The following PCDH15 variants were observed in gnomAD, a reference collection of about 807,000 sequenced individuals.
The protein encoded by PCDH15 is protocadherin-15.
Under a neutral mutation model 178.5 loss-of-function variants are expected in PCDH15, and 129 were observed. The ratio of observed to expected loss-of-function variants is 0.72; its 90% CI spans 0.63 to 0.84. The LOEUF (loss-of-function observed/expected upper bound fraction) is 0.84. Ranked by LOEUF, PCDH15 falls within the 40% of genes least tolerant of loss-of-function variation. PCDH15 has a pLI of 0.00. For synonymous variants in PCDH15, 800 were observed against 732.0 expected (o/e 1.09, Z -1.50); for missense variants, 2,230 against 2,099.9 (o/e 1.06, Z -1.21).
Position 54,502,744 on chromosome 10 carries a change from ATT to A in PCDH15, c.157+25066_157+25067del, listed in dbSNP as rs1398016996. On this transcript the variant is annotated intron_variant, in intron 3 of 37. Transcript: ENST00000644397. ...GTACAACAATGAGGCTTAATGCTTT[ATT>A]GATAGTTAAGCTGTTGAATTGGGCT... 7.3e-4 allele frequency among the ~76,000 whole-genome samples: 111 copies of A among 152,176 alleles called. 1 individual carries two copies. The highest frequency in any genetic ancestry group is 2.6e-3 in the African/African-American group (108 of 41,560).
At chr10:53,930,457 C>CAAAAAA (rs60673116) in intron 25 of PCDH15, among the ~76,000 whole-genome samples, 24 of 50,358 alleles carry the variant, frequency 4.8e-4, no homozygotes, top group East Asian at 7.2e-4. Flanking sequence ...GACTCCCTCT[C>CAAAAAA]AAAAAAAAAA....
rs972004942 is a variant in PCDH15, at chr10:53,917,603, G to GAC, written c.3374-14235_3374-14234dup. Among the ~76,000 whole-genome samples, 6 of 152,162 alleles carry GAC rather than the reference G, an allele frequency of 3.9e-5. No homozygotes were observed. The South Asian group carries it at 1.2e-3, about 32-fold the overall frequency. On this transcript the variant is annotated intron_variant, in intron 25 of 37. Coordinates refer to ENST00000644397, the MANE Select transcript of PCDH15 (RefSeq NM_001384140.1). Reference sequence around the variant, plus strand: ...ACTTTCATATATGCACCTAAACACAGACACACACACAACAGATATTAACAC... The same window carrying GAC: ...ACTTTCATATATGCACCTAAACACAGACACACACACACAACAGATATTAACAC...
chr10:53,822,794 T>C (rs2076384193), intron 32 of PCDH15: 1 of 1,613,990 alleles, frequency 6.2e-7, no homozygotes, highest in African/African-American at 1.3e-5. Context: ...CTATCATCAG[T>C]GTTTCACCTT....
At chr10:53,906,565 A>G (rs373656311) in intron 25 of PCDH15, among the ~76,000 whole-genome samples, 2 of 152,210 alleles carry the variant, frequency 1.3e-5, no homozygotes, top group East Asian at 3.8e-4. Context: ...TTAATTTGTT[A>G]GCTTTCTTTG....
chr10:54,431,229 A>T (rs1483437077), intron 3 of PCDH15, among the ~76,000 whole-genome samples: 1 of 152,170 alleles, frequency 6.6e-6, no homozygotes, highest in Non-Finnish European at 1.5e-5. Context: ...AAAATAAAAC[A>T]AGACAGAATA....
intron 1 of PCDH15, among the ~76,000 whole-genome samples, chr10:55,310,909 G>A (rs1358560306): frequency 1.3e-5 from 2 of 152,132 alleles, no homozygotes; most frequent in Non-Finnish European, 2.9e-5. Flanking sequence ...AGCATTAGGA[G>A]AAATACCTAA....
chr10:54,242,784 C>T (rs1330231998), intron 8 of PCDH15, among the ~76,000 whole-genome samples: 1 of 152,078 alleles, frequency 6.6e-6, no homozygotes, highest in Non-Finnish European at 1.5e-5. Flanking sequence ...CCAAGTATTT[C>T]AAATTAACTG....
chr10:54,225,747 T>TAA (rs145413593), intron 9 of PCDH15, among the ~76,000 whole-genome samples: 8,301 of 152,284 alleles, frequency 0.055, 554 homozygotes, highest in African/African-American at 0.17. Flanking sequence ...GCACAGATCT[T>TAA]AAGCTTTAAC....
At chr10:55,310,358 T>G (rs2132287927) in intron 1 of PCDH15, among the ~76,000 whole-genome samples, 1 of 152,292 alleles carries the variant, frequency 6.6e-6, no homozygotes, top group South Asian at 2.1e-4. Context: ...CAGCAAACAT[T>G]ATAAAACATA....
intron 6 of PCDH15, among the ~76,000 whole-genome samples, chr10:54,334,145 C>T (rs1426608309): frequency 6.6e-6 from 1 of 152,160 alleles, no homozygotes; most frequent in East Asian, 1.9e-4. Flanking sequence ...ACGCCCCAAA[C>T]ACCTGGCCTC....
At chr10:54,765,399 G>A (rs1948386868) in intron 1 of PCDH15, among the ~76,000 whole-genome samples, 1 of 152,098 alleles carries the variant, frequency 6.6e-6, no homozygotes, top group Non-Finnish European at 1.5e-5. Context: ...AAAGTTCAGA[G>A]AGAGCAATCA....
chr10:54,296,087 G>A (rs1176130736), intron 8 of PCDH15, among the ~76,000 whole-genome samples: 2 of 141,262 alleles, frequency 1.4e-5, no homozygotes, highest in Non-Finnish European at 3.0e-5. Flanking sequence ...GGAGCTTGCA[G>A]GGAGCCGAGA....
chr10:54,622,329 A>G (rs967971103), intron 2 of PCDH15, among the ~76,000 whole-genome samples: 1 of 151,244 alleles, frequency 6.6e-6, no homozygotes, highest in Non-Finnish European at 1.5e-5. Flanking sequence ...TATCTCTGAT[A>G]AGAAACACTG....
At chr10:55,621,482 C>T (rs1273890344) in intron 2 of PCDH15, among the ~76,000 whole-genome samples, 1 of 152,148 alleles carries the variant, frequency 6.6e-6, no homozygotes, top group Non-Finnish European at 1.5e-5. Flanking sequence ...CAGGTGGTGA[C>T]CTGCGGGAAA....
rs139693643 is a variant in PCDH15, at chr10:54,939,667, A to C, written c.-79-42167T>G. ...GTGTTCTTCCTTTTTTAATCAGCAA[A>C]GGGAAGGTTTTGTAAAATAAAAATG... On this transcript the variant is annotated intron_variant, in intron 2 of 5. Coordinates refer to the PCDH15 transcript ENST00000458638. 1.1e-4 allele frequency among the ~76,000 whole-genome samples: 17 copies of C among 152,116 alleles called. No homozygotes were observed. The East Asian group carries it at 3.1e-3, about 28-fold the overall frequency.
intron 26 of PCDH15, among the ~76,000 whole-genome samples, chr10:53,879,821 T>A (rs994178580): frequency 6.6e-6 from 1 of 152,206 alleles, no homozygotes; most frequent in Non-Finnish European, 1.5e-5. Flanking sequence ...GCCAGGCTGG[T>A]CTTTAACTCC....
chr10:54,985,696 A>G (rs1839346596), intron 2 of PCDH15, among the ~76,000 whole-genome samples: 1 of 152,222 alleles, frequency 6.6e-6, no homozygotes, highest in African/African-American at 2.4e-5. Context: ...TAGCCTGGGA[A>G]TAGAGAAAAT....
intron 2 of PCDH15, among the ~76,000 whole-genome samples, chr10:55,056,174 C>G (rs965973175): frequency 1.3e-5 from 2 of 152,118 alleles, no homozygotes; most frequent in African/African-American, 2.4e-5. Flanking sequence ...CTTAAAGACC[C>G]TCTATTAACT....
intron 13 of PCDH15, among the ~76,000 whole-genome samples, chr10:54,166,691 C>G (rs529504309): frequency 6.6e-6 from 1 of 152,304 alleles, no homozygotes; most frequent in African/African-American, 2.4e-5. Flanking sequence ...GGCCTCTGAG[C>G]CCAAGCCAAG....
Sources: gnomAD v4.1 joint callset for allele counts (sites outside exome capture counted in the v4.1 genomes callset) on GRCh38, gnomAD v4.1.1 for gene constraint, MANE v1.5 for transcripts, NCBI Gene and HGNC (gene_info 2026-07-23, HGNC 2026-07-21) for gene names.